Variants in ARB2A observed in about 807,000 individuals in gnomAD.
ARB2A encodes ARB2 cotranscriptional regulator A, also known as cotranscriptional regulator ARB2A.
chr5:93,978,839 AC>A, the ARB2A span, among the ~76,000 whole-genome samples: 1 of 152,104 alleles, frequency 6.6e-6, no homozygotes, highest in Non-Finnish European at 1.5e-5. Flanking sequence ...GATTATAGAT[AC>A]CAGTGGCTGG....
At chr5:93,642,102 T>A in the ARB2A span, among the ~76,000 whole-genome samples, 2 of 151,980 alleles carry the variant, frequency 1.3e-5, no homozygotes, top group African/African-American at 4.8e-5. Flanking sequence ...CATCTCAGCC[T>A]CTGGAGCAGC....
chr5:93,911,613 T>C, the ARB2A span, among the ~76,000 whole-genome samples: 1 of 148,714 alleles, frequency 6.7e-6, no homozygotes, highest in Non-Finnish European at 1.5e-5. Flanking sequence ...TTCATGTTGT[T>C]TGTGGCATTA....
the ARB2A span, among the ~76,000 whole-genome samples, chr5:93,765,651 C>A: frequency 2.0e-5 from 3 of 152,154 alleles, no homozygotes; most frequent in African/African-American, 4.8e-5. Flanking sequence ...ATGCCATCCC[C>A]ATCAAGCTAC....
the ARB2A span, among the ~76,000 whole-genome samples, chr5:93,687,826 T>C: frequency 1.3e-5 from 2 of 151,860 alleles, no homozygotes; most frequent in Admixed American, 6.5e-5. Flanking sequence ...AATGTAGATA[T>C]TTTTATTTGT....
the ARB2A span, among the ~76,000 whole-genome samples, chr5:93,829,028 C>T: frequency 7.0e-3 from 1,072 of 152,230 alleles, 10 homozygotes; most frequent in African/African-American, 0.025. Flanking sequence ...TTGCCCACCC[C>T]GGCCTCCCAA....
chr5:93,911,655 T>C, the ARB2A span, among the ~76,000 whole-genome samples: 2,216 of 115,884 alleles, frequency 0.019, 26 homozygotes, highest in Middle Eastern at 0.032. Flanking sequence ...CACACACACA[T>C]ACACACAAAC....
chr5:93,641,045 C>G, the ARB2A span, among the ~76,000 whole-genome samples: 2 of 151,674 alleles, frequency 1.3e-5, no homozygotes, highest in Non-Finnish European at 2.9e-5. Flanking sequence ...ACTAAAAATA[C>G]AAAAATTAGC....
the ARB2A span, among the ~76,000 whole-genome samples, chr5:93,942,353 T>C: frequency 2.0e-5 from 3 of 152,204 alleles, no homozygotes; most frequent in African/African-American, 7.2e-5. Context: ...TAAAAACATA[T>C]TTTCATTAAT....
chr5:93,969,607 A>G, the ARB2A span, among the ~76,000 whole-genome samples: 1 of 152,108 alleles, frequency 6.6e-6, no homozygotes, highest in Non-Finnish European at 1.5e-5. Context: ...AAATTGTTAA[A>G]AGGAGAGCAG....
chr5:93,767,791 G>A, the ARB2A span, among the ~76,000 whole-genome samples: 1 of 151,658 alleles, frequency 6.6e-6, no homozygotes, highest in Admixed American at 6.6e-5. Context: ...TCAGGAGATG[G>A]AGACCATCCT....
At chr5:94,078,862 A>G in the ARB2A span, among the ~76,000 whole-genome samples, 17 of 152,084 alleles carry the variant, frequency 1.1e-4, no homozygotes, top group African/African-American at 4.1e-4. Flanking sequence ...TCATGAAAAT[A>G]AGAGCAGTTA....
chr5:93,887,165 G>A, the ARB2A span, among the ~76,000 whole-genome samples: 1 of 151,448 alleles, frequency 6.6e-6, no homozygotes, highest in Non-Finnish European at 1.5e-5. Flanking sequence ...GGCTGATAGA[G>A]GTCAGGGTCA....
the ARB2A span, among the ~76,000 whole-genome samples, chr5:93,801,270 A>AT: frequency 2.0e-4 from 31 of 152,238 alleles, no homozygotes; most frequent in East Asian, 6.0e-3. Flanking sequence ...TGGATACTCT[A>AT]TTTATTTGTG....
At chr5:94,066,179 G>A in the ARB2A span, among the ~76,000 whole-genome samples, 3 of 151,752 alleles carry the variant, frequency 2.0e-5, no homozygotes, top group Non-Finnish European at 2.9e-5. Flanking sequence ...CAAAACCTAC[G>A]CAAAACAGAA....
chr5:93,893,358 C>T, the ARB2A span, among the ~76,000 whole-genome samples: 1 of 152,110 alleles, frequency 6.6e-6, no homozygotes, highest in Non-Finnish European at 1.5e-5. Flanking sequence ...TACCCTCCCC[C>T]AAAATGCATA....
At chr5:93,883,811 T>C in the ARB2A span, among the ~76,000 whole-genome samples, 1 of 150,992 alleles carries the variant, frequency 6.6e-6, no homozygotes, top group Non-Finnish European at 1.5e-5. Context: ...AAAAAGAAAA[T>C]TGCCTCCCTA....
the ARB2A span, among the ~76,000 whole-genome samples, chr5:93,999,718 G>A: frequency 6.6e-6 from 1 of 151,900 alleles, no homozygotes; most frequent in African/African-American, 2.4e-5. Context: ...TTCAATCTTG[G>A]TGCTGTACTT....
At chr5:93,766,001 T>C in the ARB2A span, among the ~76,000 whole-genome samples, 23 of 152,168 alleles carry the variant, frequency 1.5e-4, no homozygotes, top group South Asian at 4.2e-4. Context: ...AAAGCTGAAA[T>C]TGGATCCATT....
the ARB2A span, among the ~76,000 whole-genome samples, chr5:93,771,292 A>G: frequency 6.6e-6 from 1 of 151,966 alleles, no homozygotes; most frequent in African/African-American, 2.4e-5. Flanking sequence ...TACACCTTAT[A>G]CAAAAATTAA....
Sources: allele counts gnomAD v4.1 joint callset (sites outside exome capture counted in the v4.1 genomes callset), GRCh38; gene constraint gnomAD v4.1.1; transcripts MANE v1.5; gene names NCBI Gene and HGNC (gene_info 2026-07-23, HGNC 2026-07-21).